Variants in EEA1 observed in about 807,000 individuals in gnomAD.
EEA1 encodes the protein early endosome antigen 1, 162kD.
A neutral mutation model predicts 209.2 loss-of-function variants in EEA1; 111 were observed. That is an observed-to-expected ratio of 0.53 (90% CI 0.45 to 0.62). The LOEUF (loss-of-function observed/expected upper bound fraction) is 0.62. EEA1 is among the 20% of genes least tolerant of loss of function. The pLI is 0.00. For missense variants in EEA1, 1,343 were observed against 1,530.8 expected (o/e 0.88, Z 2.05); for synonymous variants, 536 against 540.6 (o/e 0.99, Z 0.12).
At chr12:92,858,352 G>A in intron 3 of EEA1, 2 of 852,478 alleles carry the variant, frequency 2.3e-6, no homozygotes, top group Non-Finnish European at 4.0e-6. Flanking sequence ...AAACACATTG[G>A]ATATGATGAT....
chr12:92,801,730 A>G, intron 19 of EEA1, 29 bp from the exon 20 acceptor site: 2 of 1,436,738 alleles, frequency 1.4e-6, no homozygotes, highest in Non-Finnish European at 1.9e-6. Flanking sequence ...TATATTACAT[A>G]AAAAATATTT....
chr12:92,873,818 T>G (rs1403477705), intron 2 of EEA1, among the ~76,000 whole-genome samples: 1 of 152,230 alleles, frequency 6.6e-6, no homozygotes, highest in Non-Finnish European at 1.5e-5. Context: ...GCATTTATCA[T>G]TGTACCTGGT....
intron 21 of EEA1, among the ~76,000 whole-genome samples, chr12:92,797,504 G>A (rs900450406): frequency 1.3e-5 from 2 of 152,020 alleles, no homozygotes; most frequent in African/African-American, 2.4e-5. Context: ...CAACTGTACA[G>A]GCAATATATA....
chr12:92,786,699 C>CT (rs1346307445), intron 22 of EEA1, among the ~76,000 whole-genome samples: 1 of 152,180 alleles, frequency 6.6e-6, no homozygotes, highest in East Asian at 1.9e-4. Flanking sequence ...CTCTCCACCA[C>CT]TAGTCTATCC....
At position 92,780,265 on chromosome 12, in the gene EEA1, A is replaced by AT; in HGVS notation, c.3468+14dup. 1 of 1,583,868 alleles carries AT rather than the reference A, an allele frequency of 6.3e-7. No individual in the cohort carries two copies. Among genetic ancestry groups the AT allele is most frequent in the Non-Finnish European group, 8.5e-7 (1 of 1,171,302 alleles). ...TATAACACAGAAGGCAGGAGAAATG[A>AT]TTATCTTAACATACCTTTATGCTTT... On this transcript the variant is annotated intron_variant, in intron 24 of 28. Transcript: ENST00000322349.
intron 1 of EEA1, among the ~76,000 whole-genome samples, chr12:92,904,251 A>G (rs1386754290): frequency 1.3e-5 from 2 of 152,252 alleles, no homozygotes; most frequent in African/African-American, 2.4e-5. Context: ...GTGAGCCACC[A>G]TGCCTGGCCA....
intron 2 of EEA1, among the ~76,000 whole-genome samples, chr12:92,872,163 C>T (rs1878683664): frequency 6.6e-6 from 1 of 152,042 alleles, no homozygotes; most frequent in South Asian, 2.1e-4. Flanking sequence ...ATTCTCCTGC[C>T]TCGGCCTCCT....
intron 3 of EEA1, among the ~76,000 whole-genome samples, chr12:92,861,857 G>A (rs1878169244): frequency 6.6e-6 from 1 of 151,960 alleles, no homozygotes; most frequent in African/African-American, 2.4e-5. Context: ...AAAAAAAGAG[G>A]CTAGGGAAAA....
At chr12:92,821,897 G>A (rs1049277109) in intron 13 of EEA1, among the ~76,000 whole-genome samples, 26 of 148,958 alleles carry the variant, frequency 1.7e-4, no homozygotes, top group Admixed American at 8.1e-4. Flanking sequence ...TTATAAACTC[G>A]AATTTAACAA....
rs372861208 is a variant in EEA1, at chr12:92,912,111, A to G, written c.24+16932T>C. Among the ~76,000 whole-genome samples the G allele has an allele frequency of 1.9e-4, 29 of 152,324 alleles. 1 individual carries two copies. In the South Asian group the frequency reaches 5.4e-3, roughly 28 times the overall value. On this transcript the variant is annotated intron_variant, in intron 1 of 28. Coordinates refer to ENST00000322349, the MANE Select transcript of EEA1 (RefSeq NM_003566.4). The stretch of plus-strand genomic sequence containing the variant: ...CAAATACTGCTGAAATCTAACCCAA[A>G]TGACATCATAAAATCTTCTTTGAAT...
chr12:92,863,471 C>G (rs2136722129), intron 3 of EEA1, among the ~76,000 whole-genome samples: 1 of 152,292 alleles, frequency 6.6e-6, no homozygotes, highest in East Asian at 1.9e-4. Context: ...AGAATTGAAG[C>G]CTTTGGCATA....
At chr12:92,900,030 G>A (rs536580316) in intron 1 of EEA1, among the ~76,000 whole-genome samples, 9 of 152,224 alleles carry the variant, frequency 5.9e-5, no homozygotes, top group African/African-American at 2.2e-4. Context: ...ACATGTTTGG[G>A]AGACTGGAGA....
rs564070419 is a variant in EEA1, at chr12:92,903,229, G to A, written c.25-11508C>T. The stretch of plus-strand genomic sequence containing the variant: ...TGGGATTACAGGCATGAGCCACCGC[G>A]CCCGGCCTGTTCAACAGTCTTGACA... On this transcript the variant is annotated intron_variant, in intron 1 of 28. Coordinates refer to ENST00000322349, the MANE Select transcript of EEA1 (RefSeq NM_003566.4). Among the ~76,000 whole-genome samples, 11 of 151,528 alleles carry A rather than the reference G, an allele frequency of 7.3e-5. No homozygotes were observed. The South Asian group carries it at 2.1e-3, about 29-fold the overall frequency.
At chr12:92,777,829 T>C in intron 26 of EEA1, 112 bp downstream of exon 26, 7 of 1,261,196 alleles carry the variant, frequency 5.6e-6, no homozygotes, top group Admixed American at 2.4e-5. Flanking sequence ...TAAATACCTA[T>C]AGAGGCTTAT....
At position 92,788,053 on chromosome 12, in the gene EEA1, A is replaced by AAAT; in HGVS notation, c.2968-5_2968-4insATT. ...GTAGTTTATTCTCAAGCTCTGTCTG[A>AAAT]AACATACAATAGTTATTTAAAACAG... On this transcript the variant is annotated splice_polypyrimidine_tract_variant and splice_region_variant and intron_variant, in intron 21 of 28. Coordinates refer to ENST00000322349, the MANE Select transcript of EEA1 (RefSeq NM_003566.4). The AAAT allele has an allele frequency of 6.3e-7, 1 of 1,581,904 alleles. No homozygotes were observed. Among genetic ancestry groups the AAAT allele is most frequent in the Non-Finnish European group, 8.6e-7 (1 of 1,167,616 alleles).
rs150335838 is a variant in EEA1 at position 92,910,859 on chromosome 12, C to G, written c.24+18184G>C. ...CAGGCATCTTACAAAAGAAGATATA[C>G]AGATGGCAAATATGCATATGAAAAG... On this transcript the variant is annotated intron_variant, in intron 1 of 28. Coordinates refer to ENST00000322349, the MANE Select transcript of EEA1 (RefSeq NM_003566.4). Among the ~76,000 whole-genome samples, 897 of 152,276 alleles carry G rather than the reference C, an allele frequency of 5.9e-3. 11 individuals are homozygous for G. The highest frequency in any genetic ancestry group is 0.02 in the African/African-American group (848 of 41,560).
intron 16 of EEA1, among the ~76,000 whole-genome samples, chr12:92,812,344 A>G (rs1420462615): frequency 6.6e-6 from 1 of 151,866 alleles, no homozygotes; most frequent in African/African-American, 2.4e-5. Context: ...AAAAAAAAAG[A>G]CCAATAACTA....
chr12:92,832,437 T>C (rs1357639659), intron 11 of EEA1, 75 bp downstream of exon 11: 19 of 1,370,764 alleles, frequency 1.4e-5, no homozygotes, highest in Non-Finnish European at 1.8e-5. Flanking sequence ...AACTATATTA[T>C]GATCAAATAA....
At chr12:92,900,949 G>T (rs574446204) in intron 1 of EEA1, among the ~76,000 whole-genome samples, 1 of 152,058 alleles carries the variant, frequency 6.6e-6, no homozygotes, top group African/African-American at 2.4e-5. Flanking sequence ...GATTACAGGC[G>T]CGAGCCAACA....
Sources: gnomAD v4.1 joint callset for allele counts (sites outside exome capture counted in the v4.1 genomes callset) on GRCh38, gnomAD v4.1.1 for gene constraint, MANE v1.5 for transcripts, NCBI Gene and HGNC (gene_info 2026-07-23, HGNC 2026-07-21) for gene names.